The following SORL1 variants were observed in gnomAD, a reference collection of about 807,000 sequenced individuals.
The protein encoded by SORL1 is sortilin-related receptor.
SORL1 carries 127 observed loss-of-function variants against 273.7 expected under a neutral mutation model. That is an observed-to-expected ratio of 0.46 (90% CI 0.40 to 0.54). The LOEUF is 0.54. Among genes scored for constraint, SORL1 ranks in the 20% least tolerant of loss-of-function variants. SORL1 has a pLI of 0.00. For synonymous variants in SORL1, 1,031 were observed against 1,067.4 expected, an observed-to-expected ratio of 0.97 and a Z score of 0.66; for missense variants, 2,494 against 2,846.1, an observed-to-expected ratio of 0.88 and a Z score of 2.81.
chr11:121,548,002 C>A (rs1862459009), intron 14 of SORL1, among the ~76,000 whole-genome samples: 1 of 152,174 alleles, frequency 6.6e-6, no homozygotes, highest in Non-Finnish European at 1.5e-5. Flanking sequence ...ATGGTAGATT[C>A]TTTTATGTTC....
chr11:121,616,705 T>C, intron 41 of SORL1, among the ~76,000 whole-genome samples: 1 of 152,264 alleles, frequency 6.6e-6, no homozygotes. Context: ...TCTCTGTCTG[T>C]GTTCTCCCAT....
At chr11:121,456,160 T>C (rs921715013) in intron 1 of SORL1, among the ~76,000 whole-genome samples, 1 of 152,224 alleles carries the variant, frequency 6.6e-6, no homozygotes, top group African/African-American at 2.4e-5. Context: ...TGAAATGATC[T>C]TCCCCAACTC....
At chr11:121,605,037 C>T (rs1010810353) in intron 33 of SORL1, 76 bp from the exon 34 acceptor site, 1 of 1,348,962 alleles carries the variant, frequency 7.4e-7, no homozygotes, top group Non-Finnish European at 1.0e-6. Flanking sequence ...TCCCAAAGTG[C>T]TAGGATTACA....
rs372705427 is a variant in SORL1, at chr11:121,452,558, C to G, written c.227C>G (p.Pro76Arg). Residue 76 changes from proline to arginine, a missense_variant, in exon 1 of 48, where the codon CCG becomes CGG. Pro to Arg is a moderately radical substitution (Grantham distance 103). This residue lies in a region of SORL1 where 175 missense variants were observed against 147.1 expected (regional missense o/e 1.19). Coordinates refer to ENST00000260197, the MANE Select transcript of SORL1 (RefSeq NM_003105.6). The surrounding 1 kb of genome is among the most constrained non-coding windows in gnomAD (Gnocchi z 5.3). ...ARGASRADEK[P>R]LRRKRSAALQ... ...GGGGCGAGCCGCGCGGACGAGAAGCCGCTCCGGAGGAAACGGAGCGCTGCC... is the reference window on the plus strand; with the variant it reads ...GGGGCGAGCCGCGCGGACGAGAAGCGGCTCCGGAGGAAACGGAGCGCTGCC... 1 of 1,511,240 alleles carries G rather than the reference C, an allele frequency of 6.6e-7. No individual in the cohort carries two copies. The highest frequency in any genetic ancestry group is 8.8e-7 in the Non-Finnish European group (1 of 1,136,800). 93.6% of individuals were successfully genotyped at this position (1,511,240 alleles called of 1,614,324 possible).
At chr11:121,557,206 G>T (rs1862600545) in intron 18 of SORL1, 108 bp from the exon 19 acceptor site, 5 of 813,086 alleles carry the variant, frequency 6.1e-6, no homozygotes, top group Middle Eastern at 2.3e-4. Flanking sequence ...AAATAGGCAG[G>T]CATGGAGGGG....
chr11:121,625,463 G>A (rs1863782792), intron 46 of SORL1, among the ~76,000 whole-genome samples, 186 bp downstream of exon 46: 1 of 152,180 alleles, frequency 6.6e-6, no homozygotes, highest in Admixed American at 6.5e-5. Flanking sequence ...AGCTGAACAT[G>A]GTACAGGAAG....
Position 121,588,124 on chromosome 11 carries a change from G to C in SORL1, c.3919G>C (p.Asp1307His). 6.2e-7 allele frequency: 1 copy of C among 1,613,640 alleles called. No individual in the cohort carries two copies. The highest frequency in any genetic ancestry group is 8.5e-7 in the Non-Finnish European group (1 of 1,179,708). ...AATCATCCAGTGCCGCGACGGGTCCGATGAGGATGCGGCGTTTGCAGGATG... is the reference window on the plus strand; with the variant it reads ...AATCATCCAGTGCCGCGACGGGTCCCATGAGGATGCGGCGTTTGCAGGATG... The part of the protein sequence containing the change: ...DGIIQCRDGS[D>H]EDAAFAGCSQ... Residue 1307 changes from aspartate (D) to histidine (H), a missense_variant, in exon 28 of 48, where the codon GAT becomes CAT. This residue lies in a region of SORL1 where 1,609 missense variants were observed against 1,816.4 expected (regional missense o/e 0.89). Coordinates refer to ENST00000260197, the MANE Select transcript of SORL1 (RefSeq NM_003105.6).
chr11:121,559,604 A>C lies in SORL1; in HGVS notation c.2996A>C (p.Asn999Thr). 1 of 1,614,146 alleles carries C rather than the reference A, an allele frequency of 6.2e-7. No individual in the cohort carries two copies. The highest frequency in any genetic ancestry group is 8.5e-7 in the Non-Finnish European group (1 of 1,180,018). The part of the protein sequence containing the change: ...YSGSQMEILA[N>T]QLTGLMDMKI... ...GGGTCCCAGATGGAGATTCTGGCAA[A>C]CCAGCTCACGGGGCTCATGGACATG... Residue 999 changes from asparagine (N) to threonine (T), a missense_variant, in exon 21 of 48, where the codon AAC (asparagine) becomes ACC (threonine). Asn to Thr is a moderately conservative substitution (Grantham distance 65). Around this residue, in one of 3 missense-constraint regions of SORL1, gnomAD observed 1,609 missense variants for 1,816.4 expected, o/e 0.89. Transcript: ENST00000260197.
intron 6 of SORL1, among the ~76,000 whole-genome samples, chr11:121,509,165 T>C (rs78043216): frequency 9.1e-4 from 139 of 152,056 alleles, no homozygotes; most frequent in African/African-American, 3.1e-3. Flanking sequence ...GATGTTTTGC[T>C]GAACCTTTGT....
intron 5 of SORL1, among the ~76,000 whole-genome samples, chr11:121,494,941 G>A (rs920522272): frequency 4.6e-5 from 7 of 152,058 alleles, no homozygotes; most frequent in Admixed American, 3.3e-4. Flanking sequence ...GCCACCACCC[G>A]CCCACACATG....
At chr11:121,573,570 G>A (rs950435496) in intron 23 of SORL1, among the ~76,000 whole-genome samples, 11 of 152,104 alleles carry the variant, frequency 7.2e-5, no homozygotes, top group African/African-American at 2.2e-4. Context: ...CCGAGATTGC[G>A]CCACTGCACT....
intron 41 of SORL1, among the ~76,000 whole-genome samples, 199 bp from the exon 42 acceptor site, chr11:121,618,575 A>G (rs1397765177): frequency 1.3e-5 from 2 of 152,218 alleles, no homozygotes; most frequent in African/African-American, 4.8e-5. Context: ...AGACCACATC[A>G]TATTTATTTT....
chr11:121,629,684 CA>C lies in SORL1; in HGVS notation c.*127del. 49 of 348,740 alleles carry C rather than the reference CA, an allele frequency of 1.4e-4. No homozygotes were observed. Among genetic ancestry groups the C allele is most frequent in the South Asian group, 3.4e-4 (7 of 20,852 alleles). 21.6% of individuals were successfully genotyped at this position (348,740 alleles called of 1,614,324 possible). ...ATGTTATTTTTATATGGGCCAAAAA[CA>C]AAAAACAAAAAAAAAAAAAAGGAAA... is the stretch of plus-strand genomic sequence containing the variant. On this transcript the variant is annotated 3_prime_UTR_variant, in exon 48 of 48. Transcript: ENST00000260197.
chr11:121,452,785 A>C lies in SORL1; in HGVS notation c.285+169A>C. ...GTACAACCGTCAGCACTTGAATCGC[A>C]TTGATCTTTCCTTCTTCCTGTCGAT... On this transcript the variant is annotated intron_variant, in intron 1 of 47. Coordinates refer to ENST00000260197, the MANE Select transcript of SORL1 (RefSeq NM_003105.6). This position sits in a 1 kb window ranked among gnomAD's most constrained non-coding sequence, Gnocchi z 5.3. 1.8e-6 allele frequency: 1 copy of C among 545,018 alleles called. No individual in the cohort carries two copies. The highest frequency in any genetic ancestry group is 3.0e-6 in the Non-Finnish European group (1 of 331,564). 33.8% of individuals were successfully genotyped at this position (545,018 alleles called of 1,614,324 possible). A position where few individuals can be genotyped will look rare whatever the true frequency, so the allele number is the denominator to read the frequency against.
At chr11:121,584,837 G>T (rs1411878444) in intron 26 of SORL1, among the ~76,000 whole-genome samples, 1 of 152,122 alleles carries the variant, frequency 6.6e-6, no homozygotes, top group African/African-American at 2.4e-5. Flanking sequence ...CAAGTGATCT[G>T]CCCACCTTGG....
In SORL1 at chr11:121,465,998, C is replaced by T. The variant is rs1485603663; in HGVS notation, c.286-4009C>T. On this transcript the variant is annotated intron_variant, in intron 1 of 47. Coordinates refer to ENST00000260197, the MANE Select transcript of SORL1 (RefSeq NM_003105.6). ...TGGGAGGAGTTATCTTGACTCTTAA[C>T]GACCTGCCAATGAGCCAGATGCTGT... 2.6e-5 allele frequency among the ~76,000 whole-genome samples: 4 copies of T among 152,116 alleles called. No homozygotes were observed. The East Asian group carries it at 7.7e-4, about 29-fold the overall frequency.
At chr11:121,551,564 G>T (rs775831031) in intron 16 of SORL1, among the ~76,000 whole-genome samples, 1 of 152,052 alleles carries the variant, frequency 6.6e-6, no homozygotes, top group Non-Finnish European at 1.5e-5. Flanking sequence ...TTCCCTCTGT[G>T]CCCTCTTTCC....
At position 121,618,848 on chromosome 11, in the gene SORL1, C is replaced by A. The variant is rs1254539508; in HGVS notation, c.5679C>A (p.His1893Gln). The A allele has an allele frequency of 1.9e-6, 3 of 1,614,024 alleles. No individual in the cohort carries two copies. In the African/African-American group the frequency reaches 4.0e-5, roughly 22 times the overall value. ...RNPKSLTTSLHNKTVIVSKDE... is the reference protein window; with the variant it reads ...RNPKSLTTSLQNKTVIVSKDE... ...CGAAGAGCTTGACTACTTCACTCCA[C>A]AACAAGACGGTCATTGTCAGTAAGG... The change falls in exon 42 of 48, where the codon CAC (histidine) becomes CAA (glutamine). Residue 1893 changes from histidine to glutamine, a missense_variant. His to Gln is a conservative substitution (Grantham distance 24). Transcript: ENST00000260197.
chr11:121,466,846 C>T (rs1188034220), intron 1 of SORL1, among the ~76,000 whole-genome samples: 1 of 151,948 alleles, frequency 6.6e-6, no homozygotes, highest in Non-Finnish European at 1.5e-5. Flanking sequence ...TGGTGGCCCT[C>T]GTACAAGTCA....
Sources: gnomAD v4.1 joint callset for allele counts (sites outside exome capture counted in the v4.1 genomes callset) on GRCh38, gnomAD v4.1.1 for gene constraint, gnomAD v4.1.1 regional missense constraint, Gnocchi (gnomAD v3.1) non-coding constraint, MANE v1.5 for transcripts, NCBI Gene and HGNC (gene_info 2026-07-23, HGNC 2026-07-21) for gene names.